SEMA5B: variants seen among roughly 807,000 people sequenced by gnomAD.
SEMA5B encodes semaphorin 5B.
Under a neutral mutation model 135.0 loss-of-function variants are expected in SEMA5B, and 66 were observed. That is an observed-to-expected ratio of 0.49 (90% CI 0.40 to 0.60). The LOEUF (loss-of-function observed/expected upper bound fraction) is 0.60, where lower values mean the gene tolerates loss of function less well. SEMA5B is among the 20% of genes least tolerant of loss of function. The pLI, the probability that SEMA5B is intolerant of heterozygous loss-of-function variation, is 0.00. For synonymous variants in SEMA5B, 690 were observed against 639.5 expected, an observed-to-expected ratio of 1.08 and a Z score of -1.19; for missense variants, 1,501 against 1,566.3, an observed-to-expected ratio of 0.96 and a Z score of 0.70.
intron 1 of SEMA5B, among the ~76,000 whole-genome samples, chr3:122,976,821 G>A (rs1267379058): frequency 2.0e-5 from 3 of 152,148 alleles, no homozygotes; most frequent in Non-Finnish European, 2.9e-5. Context: ...AGGCCAAGGC[G>A]GGCAGATCAC....
intron 1 of SEMA5B, among the ~76,000 whole-genome samples, chr3:122,992,191 A>G (rs983615875): frequency 2.0e-5 from 3 of 152,208 alleles, no homozygotes; most frequent in Non-Finnish European, 2.9e-5. Context: ...TTGCAAAGAA[A>G]AAAAGAGTTC....
At chr3:122,937,133 T>C (rs1028384431) in intron 5 of SEMA5B, among the ~76,000 whole-genome samples, 6 of 151,294 alleles carry the variant, frequency 4.0e-5, no homozygotes, top group Non-Finnish European at 7.4e-5. Flanking sequence ...ACAGGGAGAG[T>C]AGAGGAAGCT....
At chr3:122,974,321 T>C (rs1941235473) in intron 1 of SEMA5B, among the ~76,000 whole-genome samples, 1 of 152,062 alleles carries the variant, frequency 6.6e-6, no homozygotes, top group African/African-American at 2.4e-5. Context: ...GAAAGACAGG[T>C]CTGAGTGAAG....
At chr3:122,953,784 G>C (rs1408380303) in intron 2 of SEMA5B, among the ~76,000 whole-genome samples, 3 of 152,162 alleles carry the variant, frequency 2.0e-5, no homozygotes, top group Non-Finnish European at 4.4e-5. Context: ...TCTAGAATTG[G>C]GAGGTGACTT....
intron 12 of SEMA5B, among the ~76,000 whole-genome samples, chr3:122,919,056 G>C (rs1041139109): frequency 6.8e-6 from 1 of 146,178 alleles, no homozygotes; most frequent in Non-Finnish European, 1.5e-5. Context: ...AAAAGGAACA[G>C]GTTCATTCCA....
At position 122,913,389 on chromosome 3, in the gene SEMA5B, T is replaced by C. The variant is rs1937870119; in HGVS notation, c.2316A>G (p.Glu772=). Residue 772 remains glutamate (E), a synonymous_variant, in exon 17 of 23, where the codon GAA becomes GAG. Coordinates refer to ENST00000357599, the MANE Select transcript of SEMA5B (RefSeq NM_001031702.4). ...FKTCNPEGCP[E]VRRNTPWTPW... ...GCGTCCAGGGGGTGTTGCGCCGCAC[T>C]TCGGGGCAGCCCTCGGGGTTGCACG... is the stretch of plus-strand genomic sequence containing the variant. 1.3e-6 allele frequency: 2 copies of C among 1,578,296 alleles called. No individual in the cohort carries two copies. The highest frequency in any genetic ancestry group is 2.7e-5 in the African/African-American group (2 of 74,426).
intron 1 of SEMA5B, among the ~76,000 whole-genome samples, chr3:123,000,970 G>T (rs1942157528): frequency 6.6e-6 from 1 of 152,166 alleles, no homozygotes; most frequent in African/African-American, 2.4e-5. Context: ...CCAGAGGCTT[G>T]GCCTCGTTTT....
chr3:122,965,566 C>A (rs139297528), intron 1 of SEMA5B, among the ~76,000 whole-genome samples: 2 of 152,322 alleles, frequency 1.3e-5, no homozygotes, highest in South Asian at 4.1e-4. Context: ...AACAGAATAC[C>A]TTGATGCTGT....
intron 1 of SEMA5B, among the ~76,000 whole-genome samples, chr3:123,020,515 C>G (rs1384098754): frequency 6.6e-6 from 1 of 152,220 alleles, no homozygotes; most frequent in Non-Finnish European, 1.5e-5. Flanking sequence ...CAAACAGTAG[C>G]TATGATCTGG....
At chr3:122,976,163 G>C (rs1345335856) in intron 1 of SEMA5B, 2 of 1,532,352 alleles carry the variant, frequency 1.3e-6, no homozygotes, top group Non-Finnish European at 1.7e-6. Flanking sequence ...CCCTGTGTTG[G>C]GCTGTGCAGA....
intron 6 of SEMA5B, 133 bp downstream of exon 6, chr3:122,928,863 C>G (rs938042832): frequency 1.1e-6 from 1 of 900,454 alleles, no homozygotes; most frequent in Non-Finnish European, 1.7e-6. Flanking sequence ...CTCACCTGCC[C>G]AAGGAGCCCC....
intron 1 of SEMA5B, chr3:122,975,353 C>T (rs1941280198): frequency 6.5e-6 from 1 of 152,678 alleles, no homozygotes; most frequent in Non-Finnish European, 1.5e-5. Flanking sequence ...GCCCCTGAGC[C>T]AGGGAACACG....
intron 1 of SEMA5B, among the ~76,000 whole-genome samples, chr3:122,966,311 T>G (rs1460693375): frequency 6.6e-6 from 1 of 152,142 alleles, no homozygotes; most frequent in African/African-American, 2.4e-5. Flanking sequence ...TCATTTGAAG[T>G]TGATGCTTTG....
At chr3:122,977,693 A>G (rs1941379510) in intron 1 of SEMA5B, among the ~76,000 whole-genome samples, 2 of 152,230 alleles carry the variant, frequency 1.3e-5, no homozygotes, top group African/African-American at 4.8e-5. Flanking sequence ...ACCCAAATTA[A>G]CATATAAAAT....
chr3:122,929,377 G>A (rs913258751), intron 5 of SEMA5B, among the ~76,000 whole-genome samples: 2 of 152,214 alleles, frequency 1.3e-5, no homozygotes, highest in African/African-American at 4.8e-5. Context: ...CAGCCAGGGA[G>A]CTGGAAGTGG....
intron 1 of SEMA5B, among the ~76,000 whole-genome samples, chr3:123,026,220 G>A (rs1236368502): frequency 6.6e-6 from 1 of 152,212 alleles, no homozygotes; most frequent in Admixed American, 6.5e-5. Context: ...ACACAGGCAA[G>A]CTTCCAAACC....
At chr3:122,966,547 T>TA (rs1223456816) in intron 1 of SEMA5B, among the ~76,000 whole-genome samples, 1 of 147,622 alleles carries the variant, frequency 6.8e-6, no homozygotes. Context: ...TTATTATTAT[T>TA]ATTATTATTA....
intron 22 of SEMA5B, 101 bp from the exon 23 acceptor site, chr3:122,910,402 TCA>T (rs1937625891): frequency 8.0e-7 from 1 of 1,251,340 alleles, no homozygotes; most frequent in Non-Finnish European, 1.1e-6. Flanking sequence ...GCAAGAACAC[TCA>T]GACTGCGGAT....
At chr3:122,970,668 T>C (rs770446921) in intron 1 of SEMA5B, among the ~76,000 whole-genome samples, 25 of 152,192 alleles carry the variant, frequency 1.6e-4, no homozygotes, top group Non-Finnish European at 1.0e-4. Context: ...TTCATGAACA[T>C]CTCGTTTAAT....
Sources: gnomAD v4.1 joint callset for allele counts (sites outside exome capture counted in the v4.1 genomes callset) on GRCh38, gnomAD v4.1.1 for gene constraint, MANE v1.5 for transcripts, NCBI Gene and HGNC (gene_info 2026-07-23, HGNC 2026-07-21) for gene names.